DTNA: variants seen among roughly 807,000 people sequenced by gnomAD.
The protein encoded by DTNA is dystrobrevin alpha.
Under a neutral mutation model 100.7 loss-of-function variants are expected in DTNA, and 43 were observed. That is an observed-to-expected ratio of 0.43 (90% confidence interval 0.33 to 0.55). The LOEUF is 0.55. Among genes scored for constraint, DTNA ranks in the 20% least tolerant of loss-of-function variants. DTNA has a pLI of 0.04. For missense variants in DTNA, 798 were observed against 953.9 expected, an observed-to-expected ratio of 0.84 and a Z score of 2.15; for synonymous variants, 349 against 347.9, an observed-to-expected ratio of 1.00 and a Z score of -0.04.
intron 1 of DTNA, among the ~76,000 whole-genome samples, chr18:34,604,873 G>A (rs1036600534): frequency 3.3e-5 from 5 of 152,064 alleles, no homozygotes; most frequent in African/African-American, 4.8e-5. Flanking sequence ...GTAGCTTCCC[G>A]AAATGCCAAC....
chr18:34,549,347 T>C (rs2045150492), intron 1 of DTNA, among the ~76,000 whole-genome samples: 1 of 152,046 alleles, frequency 6.6e-6, no homozygotes, highest in South Asian at 2.1e-4. Context: ...GAAGCATTTC[T>C]TTCAGCGTTT....
intron 1 of DTNA, among the ~76,000 whole-genome samples, chr18:34,508,081 T>G (rs1418542896): frequency 6.6e-6 from 1 of 152,220 alleles, no homozygotes; most frequent in East Asian, 1.9e-4. Flanking sequence ...TTAACCCAGA[T>G]CTACTCCATG....
At chr18:34,797,127 G>A (rs2095012139) in intron 4 of DTNA, among the ~76,000 whole-genome samples, 1 of 152,166 alleles carries the variant, frequency 6.6e-6, no homozygotes, top group African/African-American at 2.4e-5. Flanking sequence ...TTATGCTCAT[G>A]CTTGCCATTC....
intron 1 of DTNA, among the ~76,000 whole-genome samples, chr18:34,727,767 G>A (rs1404110247): frequency 6.6e-6 from 1 of 152,124 alleles, no homozygotes; most frequent in African/African-American, 2.4e-5. Context: ...GTTTCACCAT[G>A]TTGGTCAGGC....
intron 4 of DTNA, among the ~76,000 whole-genome samples, chr18:34,795,086 C>T (rs543253640): frequency 3.2e-4 from 49 of 152,282 alleles, no homozygotes; most frequent in Non-Finnish European, 6.3e-4. Flanking sequence ...AGTACCACCC[C>T]CTCCACTTCC....
chr18:34,595,350 C>T (rs914903933), intron 1 of DTNA, among the ~76,000 whole-genome samples: 3 of 151,114 alleles, frequency 2.0e-5, no homozygotes, highest in African/African-American at 7.3e-5. Flanking sequence ...TTAGGCTTAC[C>T]AGTGTGGGAT....
At chr18:34,534,364 A>T (rs1166851239) in intron 1 of DTNA, among the ~76,000 whole-genome samples, 1 of 152,096 alleles carries the variant, frequency 6.6e-6, no homozygotes, top group Non-Finnish European at 1.5e-5. Flanking sequence ...TCATTTTGCT[A>T]TTAAAATACT....
intron 21 of DTNA, among the ~76,000 whole-genome samples, 187 bp downstream of exon 21, chr18:34,882,388 A>C (rs1369050701): frequency 2.0e-5 from 3 of 151,640 alleles, no homozygotes; most frequent in Non-Finnish European, 4.4e-5. Context: ...TTTTTTTTTA[A>C]GACAGAATTT....
At chr18:34,659,313 A>G (rs969713098) in intron 1 of DTNA, among the ~76,000 whole-genome samples, 4 of 152,236 alleles carry the variant, frequency 2.6e-5, no homozygotes, top group Admixed American at 2.6e-4. Flanking sequence ...ACATGTAACT[A>G]ATATAAAAAG....
intron 9 of DTNA, chr18:34,821,253 A>T (rs1259926710): frequency 6.6e-6 from 3 of 453,958 alleles, no homozygotes; most frequent in African/African-American, 4.0e-5. Context: ...ACAGTATATT[A>T]TTCCTTAATT....
At chr18:34,626,525 G>C (rs2057342534) in intron 1 of DTNA, among the ~76,000 whole-genome samples, 1 of 152,104 alleles carries the variant, frequency 6.6e-6, no homozygotes, top group South Asian at 2.1e-4. Flanking sequence ...AAATATCTTT[G>C]AGAGTTACAA....
In DTNA at chr18:34,646,494, A is replaced by C. The variant is rs985808103; in HGVS notation, c.-1-109482A>C. Among the ~76,000 whole-genome samples, 3 of 152,206 alleles carry C rather than the reference A, an allele frequency of 2.0e-5. No homozygotes were observed. The East Asian group carries it at 5.8e-4, about 29-fold the overall frequency. On this transcript the variant is annotated intron_variant, in intron 1 of 19. Transcript: ENST00000283365. ...TAAGTAAATGATGTGAATTTACCAG[A>C]GTAATAATCACCACTTTTAACTTTA...
intron 1 of DTNA, among the ~76,000 whole-genome samples, chr18:34,727,071 A>G (rs1389063781): frequency 1.3e-5 from 2 of 152,106 alleles, no homozygotes; most frequent in Non-Finnish European, 2.9e-5. Context: ...TGCAGTTTGC[A>G]CTCTCAGAAG....
intron 1 of DTNA, among the ~76,000 whole-genome samples, chr18:34,524,220 A>G (rs1301440783): frequency 6.6e-6 from 1 of 152,216 alleles, no homozygotes; most frequent in African/African-American, 2.4e-5. Flanking sequence ...CAATAAATAG[A>G]ACTCCATAGT....
chr18:34,654,428 A>G (rs1468225767), intron 1 of DTNA, among the ~76,000 whole-genome samples: 3 of 152,186 alleles, frequency 2.0e-5, no homozygotes, highest in Non-Finnish European at 1.5e-5. Flanking sequence ...TATTACCTTT[A>G]TATTAAAGAT....
At chr18:34,876,369 T>C (rs1230673697) in intron 18 of DTNA, among the ~76,000 whole-genome samples, 1 of 152,128 alleles carries the variant, frequency 6.6e-6, no homozygotes, top group Non-Finnish European at 1.5e-5. Flanking sequence ...CAGAAAACAG[T>C]CTTGAGGAAA....
chr18:34,595,837 A>C (rs2050484451), intron 1 of DTNA, among the ~76,000 whole-genome samples: 1 of 152,228 alleles, frequency 6.6e-6, no homozygotes, highest in African/African-American at 2.4e-5. Context: ...ATCAGACCAG[A>C]ATCATCTTAG....
At chr18:34,708,096 C>T (rs1386583231), upstream of DTNA, 1 of 152,012 alleles carries the variant, frequency 6.6e-6, no homozygotes, top group East Asian at 1.9e-4. Context: ...CTTTTTTAAC[C>T]CCTGGCTGCT....
At chr18:34,762,583 A>G (rs1474042607) in intron 2 of DTNA, among the ~76,000 whole-genome samples, 1 of 152,198 alleles carries the variant, frequency 6.6e-6, no homozygotes, top group African/African-American at 2.4e-5. Flanking sequence ...GGCAAAGAAA[A>G]ATACATTTAT....
Sources: allele counts gnomAD v4.1 joint callset (sites outside exome capture counted in the v4.1 genomes callset), GRCh38; gene constraint gnomAD v4.1.1; transcripts MANE v1.5; gene names NCBI Gene and HGNC (gene_info 2026-07-23, HGNC 2026-07-21).